ATP9A: variants seen among roughly 807,000 people sequenced by gnomAD.
The protein encoded by ATP9A is ATPase phospholipid transporting 9A, also known as probable phospholipid-transporting ATPase IIA.
A neutral mutation model predicts 144.1 loss-of-function variants in ATP9A; 52 were observed. The observed-to-expected ratio is 0.36, with a 90% CI of 0.29 to 0.45. ATP9A has a LOEUF of 0.45. Among genes scored for constraint, ATP9A ranks in the 20% least tolerant of loss-of-function variants. The pLI is 1.00. For missense variants in ATP9A, 947 were observed against 1,392.7 expected (o/e 0.68, Z 5.09); for synonymous variants, 582 against 557.4 (o/e 1.04, Z -0.62).
chr20:51,680,238 A>AT, intron 9 of ATP9A, among the ~76,000 whole-genome samples: 1 of 151,858 alleles, frequency 6.6e-6, no homozygotes, highest in African/African-American at 2.4e-5. Context: ...AAAAAAAAAA[A>AT]AAAAAAAACT....
At chr20:51,749,417 C>G (rs1356185166) in intron 1 of ATP9A, among the ~76,000 whole-genome samples, 1 of 152,074 alleles carries the variant, frequency 6.6e-6, no homozygotes, top group East Asian at 1.9e-4. Context: ...AGGTGCCCAC[C>G]ACCATGCCCA....
chr20:51,625,469 T>TGGGG, intron 17 of ATP9A, 107 bp from the exon 18 acceptor site: 1 of 1,335,744 alleles, frequency 7.5e-7, no homozygotes, highest in Non-Finnish European at 1.0e-6. Context: ...CCACACGGGG[T>TGGGG]GGGGGACCCC....
At chr20:51,674,422 A>C in intron 10 of ATP9A, 109 bp from the exon 11 acceptor site, 1 of 1,111,560 alleles carries the variant, frequency 9.0e-7, no homozygotes, top group Non-Finnish European at 1.3e-6. Flanking sequence ...GCACTAACTC[A>C]GCCTGCCGGA....
intron 13 of ATP9A, among the ~76,000 whole-genome samples, chr20:51,662,806 C>A (rs1473106707): frequency 5.9e-5 from 9 of 152,024 alleles, no homozygotes; most frequent in Admixed American, 3.9e-4. Context: ...CACAGTGGCT[C>A]ACACCTGTAA....
intron 24 of ATP9A, 119 bp downstream of exon 24, chr20:51,609,982 G>T: frequency 1.2e-6 from 1 of 832,414 alleles, no homozygotes; most frequent in Non-Finnish European, 2.0e-6. Context: ...GCATTCGCTG[G>T]GGCTGGGAAT....
intron 14 of ATP9A, among the ~76,000 whole-genome samples, chr20:51,647,046 G>A (rs2077345098): frequency 6.6e-6 from 1 of 152,098 alleles, no homozygotes; most frequent in Non-Finnish European, 1.5e-5. Context: ...TTGAACCCAG[G>A]AGGAGGAAGT....
Position 51,726,090 on chromosome 20 carries a change from G to T in ATP9A, c.214-158C>A, listed in dbSNP as rs556552623. ...GAACTTTGGGAGGCCGAGGCGAGCG[G>T]ATCACCTGAGGTCAGGATTCGAGAC... On this transcript the variant is annotated intron_variant, in intron 2 of 27. Coordinates refer to ENST00000338821, the MANE Select transcript of ATP9A (RefSeq NM_006045.3). Among the ~76,000 whole-genome samples the T allele has an allele frequency of 2.0e-5, 3 of 152,102 alleles. No homozygotes were observed. The East Asian group carries it at 5.8e-4, about 29-fold the overall frequency.
At chr20:51,762,747 T>C (rs2077886644) in intron 1 of ATP9A, among the ~76,000 whole-genome samples, 1 of 145,424 alleles carries the variant, frequency 6.9e-6, no homozygotes, top group Non-Finnish European at 1.5e-5. Flanking sequence ...TCTCACTCTG[T>C]TGCCGAGGCT....
At chr20:51,652,880 G>A (rs146064245) in intron 14 of ATP9A, among the ~76,000 whole-genome samples, 4,159 of 152,006 alleles carry the variant, frequency 0.027, 90 homozygotes, top group African/African-American at 0.053. Flanking sequence ...AGGCCAAGGC[G>A]GGCGGATCAC....
chr20:51,684,748 C>G (rs1272758637), intron 9 of ATP9A, among the ~76,000 whole-genome samples: 1 of 137,406 alleles, frequency 7.3e-6, no homozygotes, highest in Non-Finnish European at 1.6e-5. Flanking sequence ...CGGTGGCTCA[C>G]GCCTGTAATC....
chr20:51,721,437 T>A (rs1045869345), intron 3 of ATP9A, among the ~76,000 whole-genome samples: 4 of 152,076 alleles, frequency 2.6e-5, no homozygotes, highest in African/African-American at 9.7e-5. Flanking sequence ...ATGTGCCACA[T>A]AATGAGATCC....
At position 51,611,937 on chromosome 20, in the gene ATP9A, T is replaced by C. The variant is rs2077186401; in HGVS notation, c.2571+1740A>G. ...GGGGTGTAGCCAGTGGACGGAAAAT[T>C]CTCATGTACCCAAAGCAGCACTACC... On this transcript the variant is annotated intron_variant, in intron 23 of 27. Transcript: ENST00000338821. The surrounding 1 kb of genome is among the most constrained non-coding windows in gnomAD (Gnocchi z 4.2). Among the ~76,000 whole-genome samples the C allele has an allele frequency of 6.6e-6, 1 of 152,196 alleles. No homozygotes were observed. Among genetic ancestry groups the C allele is most frequent in the Non-Finnish European group, 1.5e-5 (1 of 68,042 alleles).
intron 14 of ATP9A, among the ~76,000 whole-genome samples, chr20:51,642,198 A>G (rs948639499): frequency 6.6e-6 from 1 of 151,918 alleles, no homozygotes. Flanking sequence ...TCTGTCACCT[A>G]GGCTGGAGTG....
At chr20:51,603,187 AG>A (rs1460097676) in intron 27 of ATP9A, among the ~76,000 whole-genome samples, 3 of 152,226 alleles carry the variant, frequency 2.0e-5, no homozygotes, top group Non-Finnish European at 4.4e-5. Context: ...AAGGAGAAAC[AG>A]TATCACTCTT....
intron 14 of ATP9A, among the ~76,000 whole-genome samples, chr20:51,646,894 A>G (rs2077344463): frequency 6.6e-6 from 1 of 152,126 alleles, no homozygotes; most frequent in South Asian, 2.1e-4. Flanking sequence ...AAGTGGGCGG[A>G]TCACCTGAGG....
rs996314342 is a variant in ATP9A at position 51,717,119 on chromosome 20, CTGAGA to C, written c.328-4050_328-4046del. Among the ~76,000 whole-genome samples, 8 of 146,846 alleles carry C rather than the reference CTGAGA, an allele frequency of 5.4e-5. No homozygotes were observed. In the Admixed American group the frequency reaches 5.6e-4, roughly 10 times the overall value. The stretch of plus-strand genomic sequence containing the variant: ...CCTGAAAGGCGGAAGTTACAGTGAG[CTGAGA>C]TCTCACCACTGCACTCCAGCCTGGG... On this transcript the variant is annotated intron_variant, in intron 3 of 27. Coordinates refer to ENST00000338821, the MANE Select transcript of ATP9A (RefSeq NM_006045.3).
At chr20:51,632,648 G>A (rs1319765026) in intron 15 of ATP9A, among the ~76,000 whole-genome samples, 1 of 152,124 alleles carries the variant, frequency 6.6e-6, no homozygotes, top group Non-Finnish European at 1.5e-5. Context: ...TCACATTAGA[G>A]GAGTGTGGTG....
intron 1 of ATP9A, among the ~76,000 whole-genome samples, chr20:51,755,094 G>A (rs184396522): frequency 1.3e-5 from 2 of 152,040 alleles, no homozygotes; most frequent in African/African-American, 2.4e-5. Flanking sequence ...CTCCAGCCTG[G>A]GCAAAAGAGT....
At chr20:51,664,365 T>C (rs1031275130) in intron 13 of ATP9A, among the ~76,000 whole-genome samples, 1 of 152,076 alleles carries the variant, frequency 6.6e-6, no homozygotes, top group Non-Finnish European at 1.5e-5. Context: ...GGTGGGCTAA[T>C]TGCTGGAGCC....
Sources: gnomAD v4.1 joint callset for allele counts (sites outside exome capture counted in the v4.1 genomes callset) on GRCh38, gnomAD v4.1.1 for gene constraint, Gnocchi (gnomAD v3.1) non-coding constraint, MANE v1.5 for transcripts, NCBI Gene and HGNC (gene_info 2026-07-23, HGNC 2026-07-21) for gene names.